RORA: variants seen among roughly 807,000 people sequenced by gnomAD.
The protein encoded by RORA is RAR related orphan receptor A, also known as nuclear receptor ROR-alpha.
Under a neutral mutation model 69.5 loss-of-function variants are expected in RORA, and 7 were observed. The ratio of observed to expected loss-of-function variants is 0.10; its 90% CI spans 0.06 to 0.19. The LOEUF is 0.19. RORA is among the 10% of genes least tolerant of loss of function. The pLI is 1.00. For missense variants in RORA, 457 were observed against 663.0 expected, an observed-to-expected ratio of 0.69 and a Z score of 3.41; for synonymous variants, 261 against 240.8, an observed-to-expected ratio of 1.08 and a Z score of -0.78.
At chr15:61,066,876 G>C (rs1451063158) in intron 1 of RORA, among the ~76,000 whole-genome samples, 4 of 26,538 alleles carry the variant, frequency 1.5e-4, no homozygotes, top group East Asian at 1.1e-3. Flanking sequence ...GGGTTCATAA[G>C]ACCAAAAAAA....
At chr15:60,724,346 T>C (rs2071330671) in intron 1 of RORA, among the ~76,000 whole-genome samples, 1 of 152,226 alleles carries the variant, frequency 6.6e-6, no homozygotes, top group Non-Finnish European at 1.5e-5. Flanking sequence ...TAATAATCTT[T>C]TGAGATTGTT....
chr15:60,925,600 G>A (rs1192063846), intron 1 of RORA, among the ~76,000 whole-genome samples: 2 of 152,220 alleles, frequency 1.3e-5, no homozygotes, highest in Non-Finnish European at 1.5e-5. Context: ...TGGCCCAGCA[G>A]CCCCACAGCT....
intron 2 of RORA, among the ~76,000 whole-genome samples, chr15:60,621,429 C>CAA (rs1567128674): frequency 6.6e-6 from 1 of 152,084 alleles, no homozygotes; most frequent in African/African-American, 2.4e-5. Flanking sequence ...GGGGCACACA[C>CAA]AGAGAGCTAC....
At chr15:60,625,987 G>A (rs1425808018) in intron 2 of RORA, among the ~76,000 whole-genome samples, 2 of 152,176 alleles carry the variant, frequency 1.3e-5, no homozygotes, top group African/African-American at 2.4e-5. Context: ...GATGGGGGTC[G>A]ACAAGTTGTG....
At chr15:60,516,322 C>A (rs1282510483) in intron 3 of RORA, among the ~76,000 whole-genome samples, 2 of 131,724 alleles carry the variant, frequency 1.5e-5, no homozygotes, top group Non-Finnish European at 3.1e-5. Context: ...CTGTCTTGAA[C>A]TCCTGGCCTT....
chr15:60,883,486 G>A (rs1275196901), intron 1 of RORA, among the ~76,000 whole-genome samples: 5 of 152,168 alleles, frequency 3.3e-5, no homozygotes, highest in Admixed American at 1.3e-4. Context: ...CATTATTTCA[G>A]TGTTGATCTC....
chr15:60,873,862 C>T (rs924668412), intron 1 of RORA, among the ~76,000 whole-genome samples: 10 of 152,166 alleles, frequency 6.6e-5, no homozygotes, highest in Admixed American at 1.3e-4. Flanking sequence ...TATAAAATAT[C>T]AGGGAATTTA....
At chr15:60,946,520 T>A (rs976165241) in intron 1 of RORA, among the ~76,000 whole-genome samples, 4 of 152,238 alleles carry the variant, frequency 2.6e-5, no homozygotes, top group African/African-American at 9.6e-5. Context: ...TCTGCCAGCT[T>A]CGGCCTCCCG....
In RORA at chr15:60,537,355, C is replaced by G. The variant is rs2066712054; in HGVS notation, c.197-5504G>C. On this transcript the variant is annotated intron_variant, in intron 2 of 10. Transcript: ENST00000335670. This position sits in a 1 kb window ranked among gnomAD's most constrained non-coding sequence, Gnocchi z 4.9. ...GGCTGTGAGCCTTGCTGCAGAGTGA[C>G]TGCAACAGCCTGGAGAGAGGAAACC... Among the ~76,000 whole-genome samples, 1 of 152,184 alleles carries G rather than the reference C, an allele frequency of 6.6e-6. No individual in the cohort carries two copies. The highest frequency in any genetic ancestry group is 2.4e-5 in the African/African-American group (1 of 41,440).
chr15:60,813,511 G>C (rs1014267563), intron 1 of RORA, among the ~76,000 whole-genome samples: 27 of 152,158 alleles, frequency 1.8e-4, no homozygotes, highest in Non-Finnish European at 3.5e-4. Context: ...CCACCCCAGT[G>C]CTGAATGGGG....
At chr15:60,907,322 C>T (rs557973648) in intron 1 of RORA, among the ~76,000 whole-genome samples, 1 of 152,266 alleles carries the variant, frequency 6.6e-6, no homozygotes, top group South Asian at 2.1e-4. Context: ...AAATGTCTCT[C>T]ATGTCCTGGT....
At chr15:60,682,254 G>A (rs1277034423) in intron 1 of RORA, 2 of 152,222 alleles carry the variant, frequency 1.3e-5, no homozygotes, top group African/African-American at 4.8e-5. Context: ...CATAGTATTA[G>A]TTTAACCAAA....
At chr15:60,547,625 C>CTT (rs67626489) in intron 2 of RORA, 19 of 137,264 alleles carry the variant, frequency 1.4e-4, no homozygotes, top group African/African-American at 3.9e-4. Flanking sequence ...CATGACTGGC[C>CTT]TTTTTTTTTT....
chr15:60,705,397 G>A (rs1307291666), intron 1 of RORA, among the ~76,000 whole-genome samples: 3 of 152,172 alleles, frequency 2.0e-5, no homozygotes, highest in Non-Finnish European at 4.4e-5. Context: ...TCAATTTGTA[G>A]ACTATCACCA....
intron 1 of RORA, among the ~76,000 whole-genome samples, chr15:61,227,086 C>T (rs1181152067): frequency 6.6e-6 from 1 of 152,014 alleles, no homozygotes; most frequent in Non-Finnish European, 1.5e-5. Context: ...GCAAGAACAC[C>T]TTCTGGCAAG....
intron 1 of RORA, among the ~76,000 whole-genome samples, chr15:60,917,478 G>C (rs1020918672): frequency 2.0e-5 from 3 of 152,166 alleles, no homozygotes; most frequent in African/African-American, 7.2e-5. Flanking sequence ...ATTTTTGAAA[G>C]TTCTACGAGC....
At chr15:60,691,431 C>CA (rs979441106) in intron 1 of RORA, among the ~76,000 whole-genome samples, 1 of 152,060 alleles carries the variant, frequency 6.6e-6, no homozygotes, top group Non-Finnish European at 1.5e-5. Context: ...TAGATACTCA[C>CA]AAAAAATTGT....
chr15:61,096,962 C>T (rs374771068), intron 1 of RORA, among the ~76,000 whole-genome samples: 8 of 152,160 alleles, frequency 5.3e-5, no homozygotes, highest in African/African-American at 1.4e-4. Flanking sequence ...GTAGAAGGCA[C>T]ATGTGCATGG....
At chr15:60,536,668 C>A (rs545656842) in intron 2 of RORA, among the ~76,000 whole-genome samples, 1 of 152,248 alleles carries the variant, frequency 6.6e-6, no homozygotes, top group Admixed American at 6.5e-5. Context: ...AATTGCACAA[C>A]CAAATATTTT....
Sources: gnomAD v4.1 joint callset for allele counts (sites outside exome capture counted in the v4.1 genomes callset) on GRCh38, gnomAD v4.1.1 for gene constraint, Gnocchi (gnomAD v3.1) non-coding constraint, MANE v1.5 for transcripts, NCBI Gene and HGNC (gene_info 2026-07-23, HGNC 2026-07-21) for gene names.